Variants in FBXO10 observed in about 807,000 individuals in gnomAD.
FBXO10 encodes F-box only protein 10.
Under a neutral mutation model 80.7 loss-of-function variants are expected in FBXO10, and 39 were observed. The ratio of observed to expected loss-of-function variants is 0.48; its 90% CI spans 0.37 to 0.63. FBXO10 has a LOEUF of 0.63. Ranked by LOEUF, FBXO10 falls within the 30% of genes least tolerant of loss-of-function variation. FBXO10 has a pLI of 0.00. For missense variants in FBXO10, 1,025 were observed against 1,269.0 expected, an observed-to-expected ratio of 0.81 and a Z score of 2.92; for synonymous variants, 449 against 489.6, an observed-to-expected ratio of 0.92 and a Z score of 1.09.
intron 10 of FBXO10, 80 bp from the exon 11 acceptor site, chr9:37,512,801 G>A: frequency 6.9e-7 from 1 of 1,450,888 alleles, no homozygotes; most frequent in African/African-American, 1.4e-5. Flanking sequence ...TCTTAACTTG[G>A]GTTCCAGATC....
chr9:37,529,000 G>T, intron 5 of FBXO10, 124 bp downstream of exon 5: 2 of 1,290,042 alleles, frequency 1.6e-6, no homozygotes, highest in Non-Finnish European at 2.1e-6. Context: ...ACTGGGGTGG[G>T]ATGATGAGTG....
intron 1 of FBXO10, among the ~76,000 whole-genome samples, chr9:37,566,594 C>T (rs74651667): frequency 1.3e-5 from 2 of 152,080 alleles, no homozygotes; most frequent in East Asian, 1.9e-4. Flanking sequence ...TAAATAACTA[C>T]AAACTGTATT....
At chr9:37,518,948 C>G (rs933766647) in intron 8 of FBXO10, among the ~76,000 whole-genome samples, 5 of 146,930 alleles carry the variant, frequency 3.4e-5, no homozygotes, top group Non-Finnish European at 7.4e-5. Flanking sequence ...CTCGCTCTGT[C>G]GCCCAGGTTG....
chr9:37,517,954 C>A (rs568834035), intron 9 of FBXO10, among the ~76,000 whole-genome samples, 171 bp downstream of exon 9: 1 of 150,494 alleles, frequency 6.6e-6, no homozygotes, highest in African/African-American at 2.4e-5. Context: ...TCTCCGTCCC[C>A]CCCTGTGGGA....
chr9:37,520,306 C>CTA (rs1821302948), intron 8 of FBXO10, among the ~76,000 whole-genome samples: 1 of 138,406 alleles, frequency 7.2e-6, no homozygotes. Flanking sequence ...CAAACATCTT[C>CTA]TACCATCTTT....
rs76437859 is a variant in FBXO10, at chr9:37,556,260, A to T, written c.-6-14486T>A. On this transcript the variant is annotated intron_variant, in intron 1 of 10. Coordinates refer to ENST00000432825, the MANE Select transcript of FBXO10 (RefSeq NM_012166.3). ...TCCTTTTATGCATTATGCTTTTGGT[A>T]TCAAGTTTAAGAACTTTTTACCTAG... 2.6e-4 allele frequency among the ~76,000 whole-genome samples: 40 copies of T among 152,282 alleles called. No homozygotes were observed. The East Asian group carries it at 7.3e-3, about 28-fold the overall frequency.
In FBXO10 at chr9:37,532,061, A is replaced by G; in HGVS notation, c.1420-3T>C. On this transcript the variant is annotated splice_polypyrimidine_tract_variant and splice_region_variant and intron_variant, in intron 3 of 10. Coordinates refer to ENST00000432825, the MANE Select transcript of FBXO10 (RefSeq NM_012166.3). ...ATGTCGTTCCTGAGCATGATGATCT[A>G]AGCAGAAAAGAGAAAGCCATTTATT... is the stretch of plus-strand genomic sequence containing the variant. 6.2e-7 allele frequency: 1 copy of G among 1,612,368 alleles called. No individual in the cohort carries two copies. The highest frequency in any genetic ancestry group is 8.5e-7 in the Non-Finnish European group (1 of 1,178,946).
intron 4 of FBXO10, 84 bp from the exon 5 acceptor site, chr9:37,529,344 G>A (rs1033749183): frequency 3.6e-5 from 52 of 1,464,552 alleles, no homozygotes; most frequent in Admixed American, 6.0e-5. Flanking sequence ...ACACCTCCGC[G>A]GCAGGATGAA....
chr9:37,570,927 G>C (rs71504537), intron 1 of FBXO10, among the ~76,000 whole-genome samples: 13,530 of 151,720 alleles, frequency 0.089, 771 homozygotes, highest in Middle Eastern at 0.17. Context: ...CCGGAAGGCG[G>C]AGGTTGCAGT....
In FBXO10 at chr9:37,521,726, G is replaced by A; in HGVS notation, c.2043C>T (p.Gly681=). 1 of 1,613,910 alleles carries A rather than the reference G, an allele frequency of 6.2e-7. No homozygotes were observed. Among genetic ancestry groups the A allele is most frequent in the Non-Finnish European group, 8.5e-7 (1 of 1,179,884 alleles). ...TGTGGCCTCGAGGTAACTCGCTGGA[G>A]CCATCCTTCTGGCTAAATACTGCCA... ...YGVAVFSQKD[G]SSELPRGHRA... The change falls in exon 8 of 11, where the codon GGC becomes GGT. Residue 681 remains glycine, a synonymous_variant. Transcript: ENST00000432825.
intron 1 of FBXO10, among the ~76,000 whole-genome samples, chr9:37,558,475 A>C (rs557105066): frequency 2.0e-4 from 30 of 152,328 alleles, no homozygotes; most frequent in African/African-American, 7.0e-4. Context: ...AGTATCCAGC[A>C]CTGACAATTT....
chr9:37,516,050 G>A lies in FBXO10; in HGVS notation c.2550C>T (p.Tyr850=), dbSNP rs376228541. The A allele has an allele frequency of 1.7e-5, 27 of 1,613,512 alleles. No individual in the cohort carries two copies. The highest frequency in any genetic ancestry group is 2.7e-5 in the African/African-American group (2 of 74,892). Reference sequence around the variant, plus strand: ...TGGCACGGCCCCGCACGGCGATGCCGTAGGCCCGGAACGAGTGGATCCGGT... The same window carrying A: ...TGGCACGGCCCCGCACGGCGATGCCATAGGCCCGGAACGAGTGGATCCGGT... The part of the protein sequence containing the change: ...IKNRIHSFRA[Y]GIAVRGRAKA... The change falls in exon 10 of 11, where the codon TAC becomes TAT. Residue 850 remains tyrosine, a synonymous_variant. Transcript: ENST00000432825.
chr9:37,521,467 C>G, intron 8 of FBXO10, 102 bp downstream of exon 8: 1 of 1,329,146 alleles, frequency 7.5e-7, no homozygotes, highest in East Asian at 2.7e-5. Context: ...TTAAAGTTTA[C>G]TTTTAAATTT....
At chr9:37,545,090 G>T (rs181934714) in intron 1 of FBXO10, among the ~76,000 whole-genome samples, 71 of 150,598 alleles carry the variant, frequency 4.7e-4, no homozygotes, top group Middle Eastern at 7.1e-3. Context: ...CACTCCCCAA[G>T]ATGGACACCA....
chr9:37,520,576 C>CG (rs1564333723), intron 8 of FBXO10, among the ~76,000 whole-genome samples: 2 of 133,556 alleles, frequency 1.5e-5, no homozygotes, highest in Admixed American at 8.8e-5. Context: ...GTTGCCCAGG[C>CG]GGGTCTTGAA....
intron 1 of FBXO10, among the ~76,000 whole-genome samples, chr9:37,566,821 C>G (rs1001862572): frequency 4.6e-5 from 7 of 152,310 alleles, no homozygotes; most frequent in South Asian, 2.1e-4. Context: ...TTTCTTCAAA[C>G]CGTAGCTCTC....
At chr9:37,521,359 G>A (rs547055450) in intron 8 of FBXO10, among the ~76,000 whole-genome samples, 1 of 152,340 alleles carries the variant, frequency 6.6e-6, no homozygotes, top group Non-Finnish European at 1.5e-5. Context: ...TCTGGGAAGT[G>A]AGGAGCGCCT....
At chr9:37,522,627 G>A (rs747950600) in intron 7 of FBXO10, 198 bp downstream of exon 7, 120 of 1,226,036 alleles carry the variant, frequency 9.8e-5, no homozygotes, top group Non-Finnish European at 1.3e-4. Context: ...CTAACCCCAC[G>A]GGGTCAATCT....
intron 1 of FBXO10, among the ~76,000 whole-genome samples, chr9:37,553,087 G>A (rs528634518): frequency 1.3e-4 from 20 of 151,676 alleles, no homozygotes; most frequent in African/African-American, 4.4e-4. Flanking sequence ...CTGTCACCAG[G>A]CTGGAGTGTA....
Sources: gnomAD v4.1 joint callset for allele counts (sites outside exome capture counted in the v4.1 genomes callset) on GRCh38, gnomAD v4.1.1 for gene constraint, MANE v1.5 for transcripts, NCBI Gene and HGNC (gene_info 2026-07-23, HGNC 2026-07-21) for gene names.